The following LMAN1L variants were observed in gnomAD, a reference collection of about 807,000 sequenced individuals.
LMAN1L encodes protein ERGIC-53-like.
A neutral mutation model predicts 58.3 loss-of-function variants in LMAN1L; 60 were observed. The ratio of observed to expected loss-of-function variants is 1.03; its 90% CI spans 0.84 to 1.27. The LOEUF (loss-of-function observed/expected upper bound fraction) is 1.27, where lower values mean the gene tolerates loss of function less well. Among genes scored for constraint, LMAN1L ranks in the 50% most tolerant of loss-of-function variants. LMAN1L has a pLI of 0.00. For missense variants in LMAN1L, 629 were observed against 674.0 expected (o/e 0.93, Z 0.74); for synonymous variants, 280 against 271.6 (o/e 1.03, Z -0.31).
rs1488132535 is a variant in LMAN1L at position 74,813,517 on chromosome 15, G to A, written c.175+488G>A. ...CAGCCCTTCCCTGTATGTGTGTTGT[G>A]GGTGGAAGCAGGCATGAGAGCATCT... On this transcript the variant is annotated intron_variant, in intron 1 of 13. Transcript: ENST00000309664. The A allele has an allele frequency of 1.3e-5, 6 of 455,632 alleles. 1 individual carries two copies. Among genetic ancestry groups the A allele is most frequent in the South Asian group, 9.3e-5 (6 of 64,494 alleles). 28.2% of individuals were successfully genotyped at this position (455,632 alleles called of 1,614,324 possible).
chr15:74,814,541 T>C (rs530999071), intron 1 of LMAN1L, among the ~76,000 whole-genome samples: 2 of 152,234 alleles, frequency 1.3e-5, no homozygotes, highest in Non-Finnish European at 1.5e-5. Flanking sequence ...CCCCAGCTAA[T>C]TTTTTGTACT....
At position 74,821,177 on chromosome 15, in the gene LMAN1L, G is replaced by A; in HGVS notation, c.1010G>A (p.Trp337Ter). The change falls in exon 9 of 14, where the codon TGG becomes TAG. Residue 337 changes from tryptophan (W) to a stop codon, truncating the protein, a stop_gained. Coordinates refer to ENST00000309664, the MANE Select transcript of LMAN1L (RefSeq NM_021819.3). LOFTEE classifies it high-confidence loss of function. The stretch of plus-strand genomic sequence containing the variant: ...CAGCTGGCCCAGGCTGAGAGACAAT[G>A]GAAGAAGCAGCTGGGGCCCCCAGGC... ...SKQLAQAERQ[W>*]KKQLGPPGQA... 6.4e-7 allele frequency: 1 copy of A among 1,551,452 alleles called. No individual in the cohort carries two copies. Among genetic ancestry groups the A allele is most frequent in the Non-Finnish European group, 8.7e-7 (1 of 1,147,806 alleles).
intron 4 of LMAN1L, among the ~76,000 whole-genome samples, chr15:74,818,316 T>G (rs1026456209): frequency 1.3e-5 from 2 of 151,828 alleles, no homozygotes; most frequent in African/African-American, 4.8e-5. Flanking sequence ...GAAAGGGAGG[T>G]GGCACAGCAA....
chr15:74,824,030 C>G (rs932136804), intron 12 of LMAN1L: 5 of 495,942 alleles, frequency 1.0e-5, no homozygotes, highest in African/African-American at 9.6e-5. Context: ...TCCCCATGCC[C>G]TGTCCCATCC....
At chr15:74,816,714 A>G in intron 4 of LMAN1L, 24 bp downstream of exon 4, 5 of 1,603,032 alleles carry the variant, frequency 3.1e-6, no homozygotes, top group Non-Finnish European at 4.3e-6. Context: ...TGGACTGACC[A>G]CTCACCTCCA....
intron 1 of LMAN1L, among the ~76,000 whole-genome samples, chr15:74,814,372 G>GGT (rs1555466767): frequency 9.1e-6 from 1 of 109,436 alleles, no homozygotes; most frequent in Non-Finnish European, 1.8e-5. Context: ...TTTTGTTTTT[G>GGT]TTTTTGTTTT....
At chr15:74,817,749 C>T (rs1596378530) in intron 4 of LMAN1L, among the ~76,000 whole-genome samples, 1 of 152,156 alleles carries the variant, frequency 6.6e-6, no homozygotes, top group Non-Finnish European at 1.5e-5. Flanking sequence ...CAGTGGCTCA[C>T]GCCTGTAATC....
chr15:74,821,248 C>A, intron 9 of LMAN1L, 22 bp downstream of exon 9: 1 of 1,546,608 alleles, frequency 6.5e-7, no homozygotes, highest in South Asian at 1.2e-5. Flanking sequence ...TACAGGCATC[C>A]AAGGCTCCAC....
intron 1 of LMAN1L, chr15:74,813,298 C>G: frequency 3.4e-6 from 2 of 592,934 alleles, no homozygotes; most frequent in Non-Finnish European, 6.3e-6. Context: ...TCTCCTTGGA[C>G]CCCTGCCCTT....
intron 1 of LMAN1L, among the ~76,000 whole-genome samples, chr15:74,814,517 G>C (rs1005205096): frequency 1.3e-5 from 2 of 152,056 alleles, no homozygotes; most frequent in African/African-American, 4.8e-5. Flanking sequence ...GGGACTACAG[G>C]TGCCTGCCAC....
rs745774342 is a variant in LMAN1L at position 74,816,665 on chromosome 15, G to A, written c.472G>A (p.Gly158Arg). The change falls in exon 4 of 14, where the codon GGG (glycine) becomes AGG (arginine). Residue 158 changes from glycine to arginine, a missense_variant. Coordinates refer to ENST00000309664, the MANE Select transcript of LMAN1L (RefSeq NM_021819.3). ...TGCCATCCGTGTGCTGGCCAGCGAC[G>A]GGCACATCCCCTCTGAGCAGCCTGG... ...SPAIRVLASD[G>R]HIPSEQPGDG... 8.7e-6 allele frequency: 14 copies of A among 1,613,696 alleles called. No individual in the cohort carries two copies. Among genetic ancestry groups the A allele is most frequent in the Middle Eastern group, 1.6e-4 (1 of 6,082 alleles).
chr15:74,820,508 G>A (rs2063911447), intron 7 of LMAN1L, 127 bp from the exon 8 acceptor site: 2 of 1,228,020 alleles, frequency 1.6e-6, no homozygotes, highest in Middle Eastern at 2.7e-4. Context: ...AACTCAGAGG[G>A]CTGGAAACTG....
intron 4 of LMAN1L, among the ~76,000 whole-genome samples, chr15:74,817,848 C>A (rs539019049): frequency 3.4e-4 from 51 of 151,966 alleles, no homozygotes; most frequent in Non-Finnish European, 5.7e-4. Flanking sequence ...CCTGTCTCTA[C>A]TAAAAATTAA....
At chr15:74,817,914 G>A (rs554174701) in intron 4 of LMAN1L, among the ~76,000 whole-genome samples, 11 of 151,884 alleles carry the variant, frequency 7.2e-5, no homozygotes, top group Admixed American at 1.3e-4. Context: ...TCGGGAGGCT[G>A]AGGCAGGAGA....
At position 74,812,877 on chromosome 15, in the gene LMAN1L, G is replaced by T; in HGVS notation, c.23G>T (p.Gly8Val). Residue 8 changes from glycine (G) to valine (V), a missense_variant, in exon 1 of 14, where the codon GGT (glycine) becomes GTT (valine). Physicochemically the swap from Gly to Val is moderately radical, Grantham distance 109 (BLOSUM62 -3). Transcript: ENST00000309664. ...ACGATGCCGGCGGTCAGTGGTCCAG[G>T]TCCCTTATTCTGCCTTCTCCTCCTG... MPAVSGP[G>V]PLFCLLLLLL... The T allele has an allele frequency of 3.1e-6, 5 of 1,610,226 alleles. No homozygotes were observed. Among genetic ancestry groups the T allele is most frequent in the Non-Finnish European group, 3.4e-6 (4 of 1,177,772 alleles).
Position 74,824,404 on chromosome 15 carries a change from G to T in LMAN1L, c.1377G>T (p.Ser459=). Residue 459 remains serine, a synonymous_variant, in exon 13 of 14, where the codon TCG becomes TCT. Transcript: ENST00000309664. ...RPPGQPPRAS[S]CLQPGIFLFY... is the part of the protein sequence containing the mutation. The stretch of plus-strand genomic sequence containing the variant: ...CTGGCCAGCCCCCAAGGGCCTCCTC[G>T]TGCCTGCAGCCTGGCATCTTCCTGT... 1.2e-6 allele frequency: 2 copies of T among 1,614,060 alleles called. No individual in the cohort carries two copies. Among genetic ancestry groups the T allele is most frequent in the Non-Finnish European group, 1.7e-6 (2 of 1,179,904 alleles).
rs552657631 is a variant in LMAN1L, at chr15:74,821,992, T to C, written c.1131+92T>C. 62 of 832,344 alleles carry C rather than the reference T, an allele frequency of 7.4e-5. No homozygotes were observed. In the East Asian group the frequency reaches 1.5e-3, roughly 21 times the overall value. 51.6% of individuals were successfully genotyped at this position (832,344 alleles called of 1,614,324 possible). A position where few individuals can be genotyped will look rare whatever the true frequency, so the allele number is the denominator to read the frequency against. On this transcript the variant is annotated intron_variant, in intron 10 of 13. Coordinates refer to ENST00000309664, the MANE Select transcript of LMAN1L (RefSeq NM_021819.3). ...AGGGCAGAGAGGACTGGGCTGGGCC[T>C]CTGCTTCCTTCAGGGGACAGAACCA...
At chr15:74,819,129 C>T (rs749998219) in intron 5 of LMAN1L, 23 bp from the exon 6 acceptor site, 59 of 1,587,862 alleles carry the variant, frequency 3.7e-5, no homozygotes, top group Non-Finnish European at 5.1e-5. Flanking sequence ...CCCCCCACTG[C>T]TCACTCTCTC....
In LMAN1L at chr15:74,816,308, C is replaced by T; in HGVS notation, c.327C>T (p.Gly109=). The stretch of plus-strand genomic sequence containing the variant: ...GACTGGGGCGCCGGGGAGCCCAGGG[C>T]ATGGTGAGTGTCCTCTCCCAGAGCT... ...VTGLGRRGAQ[G]MAVWYTRGRG... The change falls in exon 2 of 14, where the codon GGC becomes GGT. Residue 109 remains glycine (G), a synonymous_variant. Coordinates refer to ENST00000309664, the MANE Select transcript of LMAN1L (RefSeq NM_021819.3). 2 of 1,612,014 alleles carry T rather than the reference C, an allele frequency of 1.2e-6. No homozygotes were observed. Among genetic ancestry groups the T allele is most frequent in the Non-Finnish European group, 1.7e-6 (2 of 1,179,858 alleles).
Sources: allele counts gnomAD v4.1 joint callset (sites outside exome capture counted in the v4.1 genomes callset), GRCh38; gene constraint gnomAD v4.1.1; transcripts MANE v1.5; gene names NCBI Gene and HGNC (gene_info 2026-07-23, HGNC 2026-07-21).